The following ELAVL4 variants were observed in gnomAD, a reference collection of about 807,000 sequenced individuals.
ELAVL4 encodes the protein ELAV-like protein 4.
Under a neutral mutation model 35.6 loss-of-function variants are expected in ELAVL4, and 1 was observed. The observed-to-expected ratio is 0.03, with a 90% CI of 0.01 to 0.13. The LOEUF is 0.13. Among genes scored for constraint, ELAVL4 ranks in the 10% least tolerant of loss-of-function variants. The probability of loss-of-function intolerance (pLI) is 1.00; values close to 1 mark genes in which losing one functional copy is unlikely to be tolerated. For synonymous variants in ELAVL4, 156 were observed against 171.0 expected, an observed-to-expected ratio of 0.91 and a Z score of 0.69; for missense variants, 267 against 464.9, an observed-to-expected ratio of 0.57 and a Z score of 3.91.
chr1:50,105,493 G>A (rs989596542), upstream of ELAVL4, among the ~76,000 whole-genome samples: 1 of 152,088 alleles, frequency 6.6e-6, no homozygotes, highest in Non-Finnish European at 1.5e-5. Context: ...GATATAGTGA[G>A]AGACAATCTT....
chr1:50,071,115 C>A (rs369124169), intron 1 of ELAVL4, among the ~76,000 whole-genome samples: 45 of 152,312 alleles, frequency 3.0e-4, no homozygotes, highest in Admixed American at 1.0e-3. Context: ...AAGGACCCCC[C>A]CTCAGAACAG....
At chr1:50,073,630 G>A (rs1557687493) in intron 1 of ELAVL4, among the ~76,000 whole-genome samples, 1 of 151,920 alleles carries the variant, frequency 6.6e-6, no homozygotes, top group Non-Finnish European at 1.5e-5. Flanking sequence ...TTACCTTTTA[G>A]TGGATACACA....
intron 1 of ELAVL4, among the ~76,000 whole-genome samples, chr1:50,057,290 G>A (rs1663728433): frequency 6.6e-6 from 1 of 152,078 alleles, no homozygotes; most frequent in Admixed American, 6.5e-5. Flanking sequence ...TTTCAGCTAA[G>A]TGTTATTATA....
chr1:50,186,759 C>A (rs1681882934), intron 3 of ELAVL4, among the ~76,000 whole-genome samples: 1 of 151,992 alleles, frequency 6.6e-6, no homozygotes, highest in South Asian at 2.1e-4. Flanking sequence ...TTTGAATGCC[C>A]AGGTAAGGGG....
chr1:50,144,938 T>C lies in ELAVL4; in HGVS notation c.10-19T>C. The C allele has an allele frequency of 6.3e-7, 1 of 1,597,622 alleles. No individual in the cohort carries two copies. Among genetic ancestry groups the C allele is most frequent in the South Asian group, 1.1e-5 (1 of 87,412 alleles). ...TGAGATTTCAAAAGGCTTTTTCAAT[T>C]GTTTTTATTTTTATTTAGATAATTA... On this transcript the variant is annotated intron_variant, in intron 1 of 6. Transcript: ENST00000371824.
At chr1:50,067,446 G>A (rs1664315574) in intron 1 of ELAVL4, among the ~76,000 whole-genome samples, 1 of 152,144 alleles carries the variant, frequency 6.6e-6, no homozygotes, top group Non-Finnish European at 1.5e-5. Flanking sequence ...AATAGACATG[G>A]ATCCTCAAGG....
intron 1 of ELAVL4, among the ~76,000 whole-genome samples, chr1:50,063,800 A>C (rs370631697): frequency 6.6e-6 from 1 of 151,950 alleles, no homozygotes; most frequent in Non-Finnish European, 1.5e-5. Flanking sequence ...CAGACTGTTA[A>C]ATGTGGCTTT....
At chr1:50,165,652 A>G (rs777516460) in intron 2 of ELAVL4, among the ~76,000 whole-genome samples, 7 of 148,034 alleles carry the variant, frequency 4.7e-5, no homozygotes, top group South Asian at 2.1e-4. Flanking sequence ...AGGTATATAT[A>G]TGTGTGTATA....
chr1:50,108,293 G>A (rs1348638517), upstream of ELAVL4, among the ~76,000 whole-genome samples: 2 of 152,024 alleles, frequency 1.3e-5, no homozygotes, highest in Non-Finnish European at 2.9e-5. Flanking sequence ...TATGAACCTA[G>A]TTCACGGAGC....
chr1:50,148,874 T>A (rs1674215489), intron 2 of ELAVL4, among the ~76,000 whole-genome samples: 1 of 152,200 alleles, frequency 6.6e-6, no homozygotes, highest in South Asian at 2.1e-4. Context: ...TTGGTTTTGT[T>A]TTGTAAACAT....
At chr1:50,123,673 C>A (rs1346527790) in intron 1 of ELAVL4, among the ~76,000 whole-genome samples, 1 of 152,084 alleles carries the variant, frequency 6.6e-6, no homozygotes, top group Non-Finnish European at 1.5e-5. Flanking sequence ...AGACTCCTCT[C>A]CTTTCCAGCC....
At chr1:50,091,886 C>T (rs928442634) in intron 1 of ELAVL4, among the ~76,000 whole-genome samples, 10 of 152,154 alleles carry the variant, frequency 6.6e-5, no homozygotes, top group African/African-American at 2.4e-4. Flanking sequence ...TTAAGTGGCT[C>T]GCTTAAGGTC....
At chr1:50,118,746 T>A (rs1668381833) in intron 1 of ELAVL4, among the ~76,000 whole-genome samples, 1 of 151,908 alleles carries the variant, frequency 6.6e-6, no homozygotes, top group Non-Finnish European at 1.5e-5. Context: ...TAATACAAAT[T>A]GTCCTGAAGG....
chr1:50,167,140 G>A (rs188818389), intron 2 of ELAVL4, among the ~76,000 whole-genome samples: 1 of 152,260 alleles, frequency 6.6e-6, no homozygotes, highest in African/African-American at 2.4e-5. Context: ...ACAGCCTTCT[G>A]GAGAACTTTG....
chr1:50,149,092 A>AG (rs1483722746), intron 2 of ELAVL4, among the ~76,000 whole-genome samples: 1 of 152,142 alleles, frequency 6.6e-6, no homozygotes, highest in Non-Finnish European at 1.5e-5. Context: ...AGAAAAAAAA[A>AG]GAAAAATCTC....
At chr1:50,068,655 A>G (rs912704692) in intron 1 of ELAVL4, among the ~76,000 whole-genome samples, 2 of 152,198 alleles carry the variant, frequency 1.3e-5, no homozygotes, top group Non-Finnish European at 2.9e-5. Flanking sequence ...GTTGTGTGAA[A>G]TCTGTGGATA....
intron 1 of ELAVL4, among the ~76,000 whole-genome samples, chr1:50,064,481 A>G (rs929340445): frequency 1.3e-5 from 2 of 152,084 alleles, no homozygotes; most frequent in Non-Finnish European, 2.9e-5. Context: ...AGTTGTTTCA[A>G]GTTTCCAGGA....
rs1277693224 is a variant in ELAVL4 at position 50,115,000 on chromosome 1, C to T, written c.9+5802C>T. The T allele has an allele frequency of 2.6e-5, 4 of 152,016 alleles. No individual in the cohort carries two copies. In the East Asian group the frequency reaches 7.7e-4, roughly 29 times the overall value. The allele number at this position is 152,016 out of a possible 1,614,324, so 9.4% of individuals were successfully genotyped here. ...AGAAATAACTTACGCAGTGTCAGGGCTCTTAATAGGCTGGTGACTTTCTCT... is the reference window on the plus strand; with the variant it reads ...AGAAATAACTTACGCAGTGTCAGGGTTCTTAATAGGCTGGTGACTTTCTCT... On this transcript the variant is annotated intron_variant, in intron 1 of 6. Transcript: ENST00000371824.
intron 1 of ELAVL4, among the ~76,000 whole-genome samples, chr1:50,086,936 C>T (rs1409832687): frequency 6.6e-6 from 1 of 152,126 alleles, no homozygotes; most frequent in African/African-American, 2.4e-5. Context: ...TCAAGTCACT[C>T]CTTGGCCTCT....
Sources: gnomAD v4.1 joint callset for allele counts (sites outside exome capture counted in the v4.1 genomes callset) on GRCh38, gnomAD v4.1.1 for gene constraint, MANE v1.5 for transcripts, NCBI Gene and HGNC (gene_info 2026-07-23, HGNC 2026-07-21) for gene names.